Variants in DAB1 observed in about 807,000 individuals in gnomAD.
The protein encoded by DAB1 is disabled homolog 1.
In DAB1, 15 loss-of-function variants were observed where a neutral mutation model predicts 64.6. The observed-to-expected ratio is 0.23, with a 90% CI of 0.16 to 0.36. The LOEUF is 0.36. Among genes scored for constraint, DAB1 ranks in the 10% least tolerant of loss-of-function variants. The pLI, the probability that DAB1 is intolerant of heterozygous loss-of-function variation, is 1.00. For synonymous variants in DAB1, 235 were observed against 251.9 expected (o/e 0.93, Z 0.64); for missense variants, 596 against 706.7 (o/e 0.84, Z 1.78).
At chr1:58,427,871 A>T (rs1002240804) in intron 3 of DAB1, among the ~76,000 whole-genome samples, 2 of 152,236 alleles carry the variant, frequency 1.3e-5, no homozygotes, top group African/African-American at 4.8e-5. Context: ...AGAGGTTTAC[A>T]CCAGCCAAAG....
intron 4 of DAB1, among the ~76,000 whole-genome samples, chr1:58,240,307 C>T (rs987657829): frequency 1.3e-5 from 2 of 152,200 alleles, no homozygotes; most frequent in Non-Finnish European, 2.9e-5. Flanking sequence ...TGATCATATC[C>T]TTAAAAGAAA....
At chr1:58,494,479 G>T (rs950799812) in intron 3 of DAB1, among the ~76,000 whole-genome samples, 1 of 152,126 alleles carries the variant, frequency 6.6e-6, no homozygotes, top group Admixed American at 6.5e-5. Context: ...GAGTGAACAG[G>T]CAACCTACAG....
intron 5 of DAB1, among the ~76,000 whole-genome samples, chr1:58,112,236 C>T (rs1041339310): frequency 6.6e-6 from 1 of 152,184 alleles, no homozygotes; most frequent in Non-Finnish European, 1.5e-5. Context: ...AAAGTATTTC[C>T]TCACATATAT....
At chr1:57,414,029 G>T (rs189981961) in intron 1 of DAB1, among the ~76,000 whole-genome samples, 2 of 152,322 alleles carry the variant, frequency 1.3e-5, no homozygotes, top group Admixed American at 1.3e-4. Context: ...GATGAGCAAA[G>T]AAAGTGGTTT....
intron 6 of DAB1, among the ~76,000 whole-genome samples, chr1:57,769,669 T>C (rs1364926536): frequency 3.3e-5 from 5 of 152,054 alleles, no homozygotes; most frequent in Non-Finnish European, 7.4e-5. Context: ...AGTGCCTGAG[T>C]TGGGACTCTA....
At chr1:57,567,491 C>T (rs1360952236) in intron 7 of DAB1, among the ~76,000 whole-genome samples, 1 of 152,174 alleles carries the variant, frequency 6.6e-6, no homozygotes, top group African/African-American at 2.4e-5. Context: ...CAAATTGTCC[C>T]TGCTTGCAGA....
At chr1:58,505,533 G>C (rs1007719198) in intron 3 of DAB1, among the ~76,000 whole-genome samples, 1 of 151,926 alleles carries the variant, frequency 6.6e-6, no homozygotes, top group Non-Finnish European at 1.5e-5. Context: ...GAATTCTACA[G>C]AAAGAAAAGC....
intron 5 of DAB1, among the ~76,000 whole-genome samples, chr1:58,051,513 T>C (rs80137053): frequency 0.49 from 74,068 of 152,102 alleles, 20,069 homozygotes; most frequent in Non-Finnish European, 0.62. Flanking sequence ...GACATACGTG[T>C]GCATGTGTCT....
intron 4 of DAB1, among the ~76,000 whole-genome samples, chr1:58,283,838 C>G (rs570508342): frequency 6.6e-6 from 1 of 152,258 alleles, no homozygotes; most frequent in East Asian, 1.9e-4. Context: ...ACTTTGTCCT[C>G]GAAGGCAAAG....
At chr1:57,835,759 C>T (rs1652782440) in intron 1 of DAB1, among the ~76,000 whole-genome samples, 1 of 152,216 alleles carries the variant, frequency 6.6e-6, no homozygotes, top group Non-Finnish European at 1.5e-5. Context: ...TTGTGATTTG[C>T]TCCTCCTGAA....
intron 5 of DAB1, among the ~76,000 whole-genome samples, chr1:58,147,039 G>A (rs1174351155): frequency 1.3e-5 from 2 of 152,166 alleles, no homozygotes; most frequent in African/African-American, 4.8e-5. Context: ...AGGTGCAGTG[G>A]CTCACGCCTG....
At chr1:57,048,338 T>C (rs544233820) in intron 9 of DAB1, among the ~76,000 whole-genome samples, 1 of 152,330 alleles carries the variant, frequency 6.6e-6, no homozygotes, top group Admixed American at 6.5e-5. Context: ...GTAGCTCTTT[T>C]CATCTTGTTG....
intron 1 of DAB1, among the ~76,000 whole-genome samples, chr1:57,297,541 C>T (rs1029019558): frequency 2.0e-5 from 3 of 151,576 alleles, no homozygotes; most frequent in Non-Finnish European, 2.9e-5. Flanking sequence ...TATGTATATA[C>T]GTACATACAT....
At chr1:57,089,003 G>A (rs926893078) in intron 4 of DAB1, among the ~76,000 whole-genome samples, 1 of 152,188 alleles carries the variant, frequency 6.6e-6, no homozygotes, top group Non-Finnish European at 1.5e-5. Context: ...GAGGTCAAAC[G>A]CTGGCCTTTC....
intron 3 of DAB1, among the ~76,000 whole-genome samples, chr1:58,436,325 T>G (rs1480360493): frequency 2.0e-5 from 3 of 152,222 alleles, no homozygotes; most frequent in African/African-American, 7.2e-5. Context: ...CATTGGAGCT[T>G]TGGAGGAGAG....
chr1:57,328,907 A>C (rs1676409706), intron 1 of DAB1, among the ~76,000 whole-genome samples: 1 of 152,218 alleles, frequency 6.6e-6, no homozygotes, highest in African/African-American at 2.4e-5. Context: ...AATTCTGTCT[A>C]TTATTAATAA....
chr1:57,929,040 A>G (rs1021822904), intron 5 of DAB1, among the ~76,000 whole-genome samples: 5 of 152,332 alleles, frequency 3.3e-5, no homozygotes. Flanking sequence ...TGGCTATACC[A>G]TGTTGCATTC....
chr1:57,988,312 A>G (rs1646272646), intron 5 of DAB1, among the ~76,000 whole-genome samples: 1 of 152,178 alleles, frequency 6.6e-6, no homozygotes, highest in Admixed American at 6.5e-5. Context: ...CTGCATACCA[A>G]TTCTGCCCCC....
At chr1:58,113,308 G>C (rs1652095366) in intron 5 of DAB1, among the ~76,000 whole-genome samples, 1 of 152,156 alleles carries the variant, frequency 6.6e-6, no homozygotes, top group African/African-American at 2.4e-5. Context: ...AGAGGGACAT[G>C]TTAAAGATGG....
Sources: gnomAD v4.1 joint callset for allele counts (sites outside exome capture counted in the v4.1 genomes callset) on GRCh38, gnomAD v4.1.1 for gene constraint, MANE v1.5 for transcripts, NCBI Gene and HGNC (gene_info 2026-07-23, HGNC 2026-07-21) for gene names.